DLGAP2: variants seen among roughly 807,000 people sequenced by gnomAD.
DLGAP2 encodes the protein DLG associated protein 2, also known as disks large-associated protein 2.
A neutral mutation model predicts 100.3 loss-of-function variants in DLGAP2; 26 were observed. The ratio of observed to expected loss-of-function variants is 0.26; its 90% confidence interval spans 0.19 to 0.36. The LOEUF is 0.36. Ranked by LOEUF, DLGAP2 falls within the 10% of genes least tolerant of loss-of-function variation. The probability of loss-of-function intolerance (pLI) is 1.00; values close to 1 mark genes in which losing one functional copy is unlikely to be tolerated. For synonymous variants in DLGAP2, 886 were observed against 630.1 expected, an observed-to-expected ratio of 1.41 and a Z score of -6.08; for missense variants, 1,858 against 1,453.2, an observed-to-expected ratio of 1.28 and a Z score of -4.53.
chr8:1,037,563 A>G (rs750865977), intron 2 of DLGAP2, among the ~76,000 whole-genome samples: 1 of 152,198 alleles, frequency 6.6e-6, no homozygotes, highest in Non-Finnish European at 1.5e-5. Context: ...TCCCGGCATC[A>G]CCTGCACTTT....
At position 1,261,356 on chromosome 8, in the gene DLGAP2, G is replaced by A. The variant is rs568144485; in HGVS notation, c.106+2473G>A. 3.3e-4 allele frequency among the ~76,000 whole-genome samples: 46 copies of A among 139,162 alleles called. 1 individual carries two copies. In the Middle Eastern group the frequency reaches 0.027, roughly 81 times the overall value. 91.3% of individuals were successfully genotyped at this position (139,162 alleles called of 152,430 possible). On this transcript the variant is annotated intron_variant, in intron 3 of 14. Transcript: ENST00000637795. ...ATATTTAAAGCGAGACAGACTGGGA[G>A]GGCAGGTCAGCTTCCAGATCTTTAA...
intron 6 of DLGAP2, among the ~76,000 whole-genome samples, chr8:1,568,056 C>A (rs1457743274): frequency 6.6e-6 from 1 of 151,848 alleles, no homozygotes; most frequent in Non-Finnish European, 1.5e-5. Flanking sequence ...GCCCATGGCC[C>A]CCATGCCACT....
chr8:1,485,606 G>A (rs1317079081), intron 3 of DLGAP2, among the ~76,000 whole-genome samples: 1 of 152,242 alleles, frequency 6.6e-6, no homozygotes. Flanking sequence ...GTTCACTGAA[G>A]GAGAACGCTT....
chr8:1,150,390 C>A (rs990984413), intron 2 of DLGAP2, among the ~76,000 whole-genome samples: 1 of 152,200 alleles, frequency 6.6e-6, no homozygotes, highest in East Asian at 1.9e-4. Flanking sequence ...AATATTTTCT[C>A]TTTGCCTTTG....
chr8:1,300,461 CTG>C (rs568252639), intron 3 of DLGAP2: 26 of 152,356 alleles, frequency 1.7e-4, no homozygotes, highest in African/African-American at 6.0e-4. Flanking sequence ...CATCTTGCCT[CTG>C]TGAAGCACCT....
In DLGAP2 at chr8:1,253,678, C is replaced by T. The variant is rs543859761; in HGVS notation, c.74-5173C>T. Among the ~76,000 whole-genome samples the T allele has an allele frequency of 3.3e-5, 5 of 152,232 alleles. No individual in the cohort carries two copies. The South Asian group carries it at 8.3e-4, about 25-fold the overall frequency. ...TGTGGTGAGGGTTCAGGTTCACGTA[C>T]ACAAAACCATCAGACAGATTTCTCC... On this transcript the variant is annotated intron_variant, in intron 2 of 14. Coordinates refer to ENST00000637795, the MANE Select transcript of DLGAP2 (RefSeq NM_001346810.2).
At chr8:1,539,460 A>C (rs932713861) in intron 4 of DLGAP2, among the ~76,000 whole-genome samples, 4 of 152,082 alleles carry the variant, frequency 2.6e-5, no homozygotes, top group Admixed American at 2.0e-4. Context: ...CTGGGAGATA[A>C]CAAGCCCATC....
rs73670755 is a variant in DLGAP2, at chr8:1,323,605, G to A, written c.106+64722G>A. Among the ~76,000 whole-genome samples the A allele has an allele frequency of 9.1e-3, 1,388 of 152,310 alleles. 26 individuals carry two copies. The highest frequency in any genetic ancestry group is 0.031 in the African/African-American group (1,307 of 41,556). ...CAGGCAGCAGCAGCTCCTGCTGTAC[G>A]GGGATGCAGATACGGAGCGGGCAGC... is the stretch of plus-strand genomic sequence containing the variant. On this transcript the variant is annotated intron_variant, in intron 3 of 14. Transcript: ENST00000637795.
At chr8:1,504,025 G>A (rs897902256) in intron 4 of DLGAP2, among the ~76,000 whole-genome samples, 4 of 152,198 alleles carry the variant, frequency 2.6e-5, no homozygotes, top group African/African-American at 4.8e-5. Flanking sequence ...GAAGGTGGAC[G>A]CATTGGTTCC....
chr8:1,431,958 G>A lies in DLGAP2; in HGVS notation c.107-69408G>A, dbSNP rs957993238. ...CCAGCACCCCATGCCAGCCAGCACC[G>A]CTACGGCTGCCATCCATCGGGGCTG... On this transcript the variant is annotated intron_variant, in intron 3 of 14. Coordinates refer to ENST00000637795, the MANE Select transcript of DLGAP2 (RefSeq NM_001346810.2). Among the ~76,000 whole-genome samples the A allele has an allele frequency of 3.9e-4, 58 of 149,770 alleles. 5 individuals are homozygous for A. Among genetic ancestry groups the A allele is most frequent in the Admixed American group, 3.3e-4 (5 of 15,056 alleles).
chr8:870,248 T>A lies in DLGAP2; in HGVS notation c.19-37664T>A, dbSNP rs182723322. On this transcript the variant is annotated intron_variant, in intron 1 of 14. Transcript: ENST00000637795. ...TCCTGACAGGATCCCTGAGCTGTCA[T>A]CACTTAACAAGTGCGGTTATTACAA... Among the ~76,000 whole-genome samples, 786 of 152,340 alleles carry A rather than the reference T, an allele frequency of 5.2e-3. 2 individuals are homozygous for A. The highest frequency in any genetic ancestry group is 8.6e-3 in the Non-Finnish European group (587 of 68,032).
At chr8:1,205,285 C>A (rs879319764) in intron 2 of DLGAP2, among the ~76,000 whole-genome samples, 2 of 152,146 alleles carry the variant, frequency 1.3e-5, no homozygotes, top group Non-Finnish European at 2.9e-5. Flanking sequence ...GTGTGTCCAA[C>A]CAGGAGGGGT....
intron 2 of DLGAP2, among the ~76,000 whole-genome samples, chr8:1,187,732 C>T (rs574685718): frequency 1.6e-4 from 23 of 145,982 alleles, no homozygotes; most frequent in South Asian, 8.8e-4. Flanking sequence ...TCTCACACGC[C>T]CGAGACTTCC....
chr8:1,255,129 C>T (rs61720549), intron 2 of DLGAP2, among the ~76,000 whole-genome samples: 2,844 of 106,774 alleles, frequency 0.027, 211 homozygotes, highest in African/African-American at 0.11. Flanking sequence ...CCTCTCCTGC[C>T]CGGGCGCTGA....
intron 1 of DLGAP2, among the ~76,000 whole-genome samples, chr8:883,622 T>C (rs994383191): frequency 6.6e-6 from 1 of 151,682 alleles, no homozygotes; most frequent in Non-Finnish European, 1.5e-5. Flanking sequence ...CCGCGGCGGT[T>C]CGTTACGTAG....
intron 2 of DLGAP2, among the ~76,000 whole-genome samples, chr8:1,226,493 G>T (rs1798418634): frequency 6.6e-6 from 1 of 152,132 alleles, no homozygotes; most frequent in Non-Finnish European, 1.5e-5. Flanking sequence ...GGGAGGGAGA[G>T]CATCAGGATA....
intron 2 of DLGAP2, among the ~76,000 whole-genome samples, chr8:1,195,792 C>T (rs1020701221): frequency 7.9e-5 from 12 of 152,204 alleles, no homozygotes; most frequent in African/African-American, 2.9e-4. Context: ...CCGTGTGGCG[C>T]GTTCCCCGGA....
intron 3 of DLGAP2, among the ~76,000 whole-genome samples, chr8:1,338,412 C>T (rs73670771): frequency 6.6e-6 from 1 of 152,114 alleles, no homozygotes; most frequent in Non-Finnish European, 1.5e-5. Flanking sequence ...CTGCATGATT[C>T]TATTTATATG....
At chr8:988,473 G>A (rs1424955125) in intron 2 of DLGAP2, among the ~76,000 whole-genome samples, 1 of 152,148 alleles carries the variant, frequency 6.6e-6, no homozygotes, top group Non-Finnish European at 1.5e-5. Context: ...ACAGGGATGT[G>A]GCGTCTTCTT....
Sources: gnomAD v4.1 joint callset for allele counts (sites outside exome capture counted in the v4.1 genomes callset) on GRCh38, gnomAD v4.1.1 for gene constraint, MANE v1.5 for transcripts, NCBI Gene and HGNC (gene_info 2026-07-23, HGNC 2026-07-21) for gene names.